CRACR2A: variants seen among roughly 807,000 people sequenced by gnomAD.
CRACR2A encodes the protein EF-hand calcium-binding domain-containing protein 4B.
Under a neutral mutation model 90.5 loss-of-function variants are expected in CRACR2A, and 79 were observed. The ratio of observed to expected loss-of-function variants is 0.87; its 90% CI spans 0.73 to 1.05. The LOEUF (loss-of-function observed/expected upper bound fraction) is 1.05, where lower values mean the gene tolerates loss of function less well. CRACR2A is among the 50% of genes least tolerant of loss of function. The pLI is 0.00. For synonymous variants in CRACR2A, 338 were observed against 356.7 expected, an observed-to-expected ratio of 0.95 and a Z score of 0.59; for missense variants, 823 against 897.2, an observed-to-expected ratio of 0.92 and a Z score of 1.06.
rs78880173 is a variant in CRACR2A, at chr12:3,636,075, T to A, written c.1602+2049A>T. ...TGTCCCTATTATTGGACATTTTTTT[T>A]AAAATTGTTTGCTATTATAAATAAC... On this transcript the variant is annotated intron_variant, in intron 14 of 19. Transcript: ENST00000440314. Among the ~76,000 whole-genome samples the A allele has an allele frequency of 2.4e-3, 363 of 152,350 alleles. 1 individual carries two copies. The highest frequency in any genetic ancestry group is 5.6e-3 in the East Asian group (29 of 5,186).
chr12:3,642,212 T>C, intron 12 of CRACR2A, among the ~76,000 whole-genome samples: 1 of 120,778 alleles, frequency 8.3e-6, no homozygotes, highest in Middle Eastern at 4.2e-3. Flanking sequence ...TTATCTCTTC[T>C]GAAAAAATAT....
chr12:3,696,668 A>T lies in CRACR2A; in HGVS notation c.228+104T>A. Reference sequence around the variant, plus strand: ...TTCCTTCCAAGACAGAACTGGTGGCATCTTTTCTGTTAAGGATGTCACCTC... The same window carrying T: ...TTCCTTCCAAGACAGAACTGGTGGCTTCTTTTCTGTTAAGGATGTCACCTC... On this transcript the variant is annotated intron_variant, in intron 4 of 19. Coordinates refer to ENST00000440314, the MANE Select transcript of CRACR2A (RefSeq NM_001144958.2). The T allele has an allele frequency of 4.0e-6, 6 of 1,508,346 alleles. No homozygotes were observed. The South Asian group carries it at 6.2e-5, about 16-fold the overall frequency. 93.4% of individuals were successfully genotyped at this position (1,508,346 alleles called of 1,614,324 possible). A position where few individuals can be genotyped will look rare whatever the true frequency, so the allele number is the denominator to read the frequency against.
rs1367766751 is a variant in CRACR2A, at chr12:3,680,419, G to C, written c.229-70C>G. ...GTGGGGGAGGTGACCTGGGACTGCAGAGCCTTCTGCCAGAAAGTGTCTAGA... is the reference window on the plus strand; with the variant it reads ...GTGGGGGAGGTGACCTGGGACTGCACAGCCTTCTGCCAGAAAGTGTCTAGA... On this transcript the variant is annotated intron_variant, in intron 4 of 19. Transcript: ENST00000440314. The C allele has an allele frequency of 5.9e-6, 8 of 1,353,594 alleles. No individual in the cohort carries two copies. In the African/African-American group the frequency reaches 1.0e-4, roughly 17 times the overall value. The allele number at this position is 1,353,594 out of a possible 1,614,324, so 83.8% of individuals were successfully genotyped here.
At chr12:3,623,838 A>G (rs960613401) in intron 17 of CRACR2A, among the ~76,000 whole-genome samples, 3 of 152,192 alleles carry the variant, frequency 2.0e-5, no homozygotes, top group African/African-American at 7.2e-5. Context: ...CTCATCAAGC[A>G]GTGCTGGTGC....
chr12:3,688,505 G>A (rs1416756579), intron 4 of CRACR2A, among the ~76,000 whole-genome samples: 1 of 152,144 alleles, frequency 6.6e-6, no homozygotes, highest in African/African-American at 2.4e-5. Flanking sequence ...TTGTGGGTGT[G>A]CAGCCTTATT....
chr12:3,630,458 G>A (rs1399703662), intron 15 of CRACR2A, among the ~76,000 whole-genome samples: 1 of 152,170 alleles, frequency 6.6e-6, no homozygotes, highest in Non-Finnish European at 1.5e-5. Context: ...GATGTGCAGT[G>A]GGACAGAACC....
intron 15 of CRACR2A, among the ~76,000 whole-genome samples, chr12:3,631,114 T>C (rs952551645): frequency 6.6e-6 from 1 of 152,182 alleles, no homozygotes; most frequent in African/African-American, 2.4e-5. Flanking sequence ...CTTCCTGACA[T>C]GTGTCCCAGA....
At chr12:3,659,062 G>T (rs966004602) in intron 8 of CRACR2A, among the ~76,000 whole-genome samples, 1 of 152,198 alleles carries the variant, frequency 6.6e-6, no homozygotes, top group African/African-American at 2.4e-5. Flanking sequence ...GTAAAGGATA[G>T]GTAGCACAGG....
chr12:3,722,530 G>A (rs569122742), intron 2 of CRACR2A, among the ~76,000 whole-genome samples: 2 of 150,896 alleles, frequency 1.3e-5, no homozygotes, highest in South Asian at 2.1e-4. Flanking sequence ...AGTGTGGAGC[G>A]AGGCTGGCAT....
chr12:3,638,170 G>T lies in CRACR2A; in HGVS notation c.1556C>A (p.Pro519His). 6.4e-7 allele frequency: 1 copy of T among 1,550,410 alleles called. No individual in the cohort carries two copies. Among genetic ancestry groups the T allele is most frequent in the Non-Finnish European group, 8.7e-7 (1 of 1,145,990 alleles). ...IPEAPPLKLT[P>H]TSPRGQPVGK... is the part of the protein sequence containing the mutation. ...AACAGGCTGCCCTCGGGGGGATGTG[G>T]GGGTGAGTTTCAAGGGTGGGGCCTC... is the stretch of plus-strand genomic sequence containing the variant. The change falls in exon 14 of 20, where the codon CCC (proline) becomes CAC (histidine). Residue 519 changes from proline to histidine, a missense_variant. Coordinates refer to ENST00000440314, the MANE Select transcript of CRACR2A (RefSeq NM_001144958.2).
intron 3 of CRACR2A, among the ~76,000 whole-genome samples, chr12:3,698,251 G>C (rs565835366): frequency 8.5e-5 from 13 of 152,292 alleles, no homozygotes; most frequent in Admixed American, 4.6e-4. Flanking sequence ...TGACATTTGG[G>C]TTTAAAAATA....
At chr12:3,687,244 G>A (rs1045963737) in intron 4 of CRACR2A, among the ~76,000 whole-genome samples, 7 of 150,762 alleles carry the variant, frequency 4.6e-5, no homozygotes, top group African/African-American at 1.7e-4. Context: ...TTGTTATATA[G>A]GTAAACTTGT....
chr12:3,665,831 A>C (rs1343940725), intron 7 of CRACR2A, among the ~76,000 whole-genome samples: 1 of 152,240 alleles, frequency 6.6e-6, no homozygotes, highest in Non-Finnish European at 1.5e-5. Flanking sequence ...ACCAACATTG[A>C]AAAGTGTTGA....
chr12:3,629,981 CTGAAA>C (rs1251254641), intron 15 of CRACR2A, among the ~76,000 whole-genome samples: 1 of 152,154 alleles, frequency 6.6e-6, no homozygotes, highest in East Asian at 1.9e-4. Flanking sequence ...ACCACCAGTT[CTGAAA>C]TCCCAGGAGT....
At chr12:3,693,159 G>T (rs370550844) in intron 4 of CRACR2A, among the ~76,000 whole-genome samples, 7 of 152,324 alleles carry the variant, frequency 4.6e-5, no homozygotes, top group East Asian at 1.9e-4. Flanking sequence ...GCAATGCGGG[G>T]GCTGCCGTGG....
rs1055187437 is a variant in CRACR2A, at chr12:3,616,886, G to A, written c.2111+68C>T. Reference sequence around the variant, plus strand: ...GTGTGGCCTGGGTGGAGGGAAACACGGTGCCTCCCTGAAGGCAGACACAGC... The same window carrying A: ...GTGTGGCCTGGGTGGAGGGAAACACAGTGCCTCCCTGAAGGCAGACACAGC... On this transcript the variant is annotated intron_variant, in intron 19 of 19. Transcript: ENST00000440314. 4.3e-5 allele frequency: 54 copies of A among 1,251,532 alleles called. No homozygotes were observed. In the East Asian group the frequency reaches 1.1e-3, roughly 26 times the overall value. 77.5% of individuals were successfully genotyped at this position (1,251,532 alleles called of 1,614,324 possible). A position where few individuals can be genotyped will look rare whatever the true frequency, so the allele number is the denominator to read the frequency against.
intron 10 of CRACR2A, among the ~76,000 whole-genome samples, chr12:3,652,933 C>T (rs1327031068): frequency 5.9e-5 from 9 of 152,156 alleles, no homozygotes; most frequent in African/African-American, 1.9e-4. Context: ...TTACTTAAAC[C>T]TCTGAACCTC....
intron 2 of CRACR2A, among the ~76,000 whole-genome samples, chr12:3,717,085 G>A (rs987216242): frequency 5.3e-5 from 8 of 152,116 alleles, no homozygotes; most frequent in South Asian, 2.1e-4. Flanking sequence ...TCTGTGGAGC[G>A]AGTGGGATTT....
chr12:3,690,588 C>CATA (rs781025134), intron 4 of CRACR2A, among the ~76,000 whole-genome samples: 1 of 152,006 alleles, frequency 6.6e-6, no homozygotes, highest in African/African-American at 2.4e-5. Context: ...ATTATGTGGC[C>CATA]AAATTAAGAG....
Sources: gnomAD v4.1 joint callset for allele counts (sites outside exome capture counted in the v4.1 genomes callset) on GRCh38, gnomAD v4.1.1 for gene constraint, MANE v1.5 for transcripts, NCBI Gene and HGNC (gene_info 2026-07-23, HGNC 2026-07-21) for gene names.